NTRK2: variants seen among roughly 807,000 people sequenced by gnomAD.
The protein encoded by NTRK2 is BDNF/NT-3 growth factors receptor.
NTRK2 carries 13 observed loss-of-function variants against 94.5 expected under a neutral mutation model. That is an observed-to-expected ratio of 0.14 (90% CI 0.09 to 0.22). NTRK2 has a LOEUF of 0.22. Ranked by LOEUF, NTRK2 falls within the 10% of genes least tolerant of loss-of-function variation. NTRK2 has a pLI of 1.00. For missense variants in NTRK2, 639 were observed against 1,071.2 expected (o/e 0.60, Z 5.63); for synonymous variants, 372 against 407.4 (o/e 0.91, Z 1.05).
intron 12 of NTRK2, among the ~76,000 whole-genome samples, chr9:84,848,466 T>C (rs543654630): frequency 8.5e-5 from 13 of 152,324 alleles, no homozygotes; most frequent in Middle Eastern, 3.4e-3. Flanking sequence ...ATGTTGTTTC[T>C]ATTTACCAAC....
chr9:84,832,892 C>T (rs2073646623), intron 12 of NTRK2, among the ~76,000 whole-genome samples: 1 of 152,030 alleles, frequency 6.6e-6, no homozygotes, highest in South Asian at 2.1e-4. Flanking sequence ...TTATTTGGGC[C>T]ATAGATAATA....
chr9:84,945,420 GA>G (rs1319797624), intron 15 of NTRK2, among the ~76,000 whole-genome samples: 1 of 152,182 alleles, frequency 6.6e-6, no homozygotes, highest in Non-Finnish European at 1.5e-5. Flanking sequence ...GCAAGTGTGA[GA>G]AAGGCACTGG....
At chr9:84,934,087 G>A (rs2132715650) in intron 14 of NTRK2, 75 bp from the exon 15 acceptor site, 1 of 1,562,800 alleles carries the variant, frequency 6.4e-7, no homozygotes, top group Non-Finnish European at 8.8e-7. Context: ...TCAGGTACAG[G>A]CCACCAACTC....
intron 14 of NTRK2, among the ~76,000 whole-genome samples, chr9:84,893,757 T>C (rs2076665883): frequency 6.6e-6 from 1 of 152,176 alleles, no homozygotes; most frequent in Non-Finnish European, 1.5e-5. Flanking sequence ...TGTGTATCGC[T>C]GGGGATGAAG....
intron 14 of NTRK2, chr9:84,873,466 G>A: frequency 9.4e-7 from 1 of 1,059,970 alleles, no homozygotes; most frequent in Non-Finnish European, 1.1e-6. Context: ...CTGTTCTGCA[G>A]GTCCCAATAC....
intron 2 of NTRK2, among the ~76,000 whole-genome samples, chr9:84,699,123 A>G (rs970838139): frequency 6.9e-6 from 1 of 144,010 alleles, no homozygotes; most frequent in African/African-American, 2.6e-5. Flanking sequence ...GTCAAGCTCC[A>G]CCTCCCGGGT....
intron 17 of NTRK2, among the ~76,000 whole-genome samples, chr9:84,977,325 C>T (rs56216602): frequency 0.22 from 33,371 of 152,104 alleles, 4,421 homozygotes; most frequent in African/African-American, 0.37. Flanking sequence ...GAACACGAGA[C>T]AGAACTTTAG....
intron 6 of NTRK2, 85 bp from the exon 7 acceptor site, chr9:84,723,488 T>G: frequency 2.0e-6 from 3 of 1,477,910 alleles, no homozygotes; most frequent in Non-Finnish European, 2.8e-6. Flanking sequence ...TTTTAAAGCA[T>G]AAACAGTTTT....
intron 12 of NTRK2, among the ~76,000 whole-genome samples, chr9:84,827,864 G>T (rs2073287878): frequency 6.6e-6 from 1 of 152,248 alleles, no homozygotes; most frequent in South Asian, 2.1e-4. Context: ...CCATATCTTT[G>T]ATTACAGTTT....
intron 17 of NTRK2, among the ~76,000 whole-genome samples, chr9:84,996,936 G>T (rs541595095): frequency 1.3e-5 from 2 of 152,176 alleles, no homozygotes; most frequent in Non-Finnish European, 2.9e-5. Context: ...TTTCATGGCT[G>T]TTTCAGTGCA....
chr9:84,752,201 T>TA (rs1318932366), intron 12 of NTRK2, 116 bp downstream of exon 12: 4 of 824,114 alleles, frequency 4.9e-6, no homozygotes, highest in Non-Finnish European at 8.2e-6. Context: ...GTTTTAAGGC[T>TA]AAAAAAATAG....
chr9:84,917,128 GT>G (rs1372313699), intron 14 of NTRK2, among the ~76,000 whole-genome samples: 2 of 152,154 alleles, frequency 1.3e-5, no homozygotes, highest in African/African-American at 2.4e-5. Flanking sequence ...TTGGAGAGAG[GT>G]TTGACTTTGG....
intron 12 of NTRK2, among the ~76,000 whole-genome samples, chr9:84,753,271 G>A (rs903643407): frequency 6.6e-6 from 1 of 152,084 alleles, no homozygotes; most frequent in Non-Finnish European, 1.5e-5. Flanking sequence ...ATAAAGCTTG[G>A]GAGAGGGACC....
chr9:84,798,864 C>T (rs1330561523), intron 12 of NTRK2, among the ~76,000 whole-genome samples: 3 of 147,420 alleles, frequency 2.0e-5, no homozygotes, highest in Non-Finnish European at 3.0e-5. Context: ...ATAATGGAAA[C>T]AGCTGATATT....
At chr9:84,705,763 T>C (rs142730186) in intron 4 of NTRK2, among the ~76,000 whole-genome samples, 1 of 151,358 alleles carries the variant, frequency 6.6e-6, no homozygotes, top group East Asian at 1.9e-4. Context: ...CAATGCATTG[T>C]ATACCAGTGA....
Position 84,955,391 on chromosome 9 carries a change from C to T in NTRK2, c.2046C>T (p.Tyr682=), listed in dbSNP as rs1211391207. 6.2e-7 allele frequency: 1 copy of T among 1,614,078 alleles called. No homozygotes were observed. Among genetic ancestry groups the T allele is most frequent in the East Asian group, 2.2e-5 (1 of 44,888 alleles). ...AGCAGATCGCCGCGGGCATGGTCTA[C>T]CTGGCGTCCCAGCACTTCGTGCACC... ...IAQQIAAGMV[Y]LASQHFVHRD... is the part of the protein sequence containing the mutation. The change falls in exon 17 of 19, where the codon TAC becomes TAT. Residue 682 remains tyrosine, a synonymous_variant. Coordinates refer to ENST00000277120, the MANE Select transcript of NTRK2 (RefSeq NM_006180.6).
chr9:84,955,554 C>T, intron 17 of NTRK2, 37 bp downstream of exon 17: 2 of 1,539,446 alleles, frequency 1.3e-6, no homozygotes, highest in South Asian at 2.3e-5. Flanking sequence ...CCAGGGACCT[C>T]TTTCCCTGCG....
At chr9:84,802,313 A>G (rs1235619459) in intron 12 of NTRK2, among the ~76,000 whole-genome samples, 1 of 152,226 alleles carries the variant, frequency 6.6e-6, no homozygotes. Context: ...GTGTGTGTAT[A>G]TAGAAATTTA....
intron 15 of NTRK2, among the ~76,000 whole-genome samples, chr9:84,946,084 A>T (rs1459563022): frequency 6.6e-6 from 1 of 152,176 alleles, no homozygotes; most frequent in Non-Finnish European, 1.5e-5. Flanking sequence ...CGTGTTCTGG[A>T]CACTGGATAT....
Sources: allele counts gnomAD v4.1 joint callset (sites outside exome capture counted in the v4.1 genomes callset), GRCh38; gene constraint gnomAD v4.1.1; transcripts MANE v1.5; gene names NCBI Gene and HGNC (gene_info 2026-07-23, HGNC 2026-07-21).